The following ABCD2 variants were observed in gnomAD, a reference collection of about 807,000 sequenced individuals.
ABCD2 encodes the protein ATP binding cassette subfamily D member 2.
In ABCD2, 36 loss-of-function variants were observed where a neutral mutation model predicts 70.9. The ratio of observed to expected loss-of-function variants is 0.51; its 90% confidence interval spans 0.39 to 0.67. The LOEUF (loss-of-function observed/expected upper bound fraction) is 0.67. ABCD2 is among the 30% of genes least tolerant of loss of function. The pLI is 0.00. For missense variants in ABCD2, 729 were observed against 890.2 expected, an observed-to-expected ratio of 0.82 and a Z score of 2.30; for synonymous variants, 304 against 306.9, an observed-to-expected ratio of 0.99 and a Z score of 0.10.
intron 9 of ABCD2, among the ~76,000 whole-genome samples, chr12:39,571,167 C>T (rs61933064): frequency 0.046 from 7,063 of 152,130 alleles, 231 homozygotes; most frequent in Non-Finnish European, 0.071. Flanking sequence ...TAAGGAGGTT[C>T]CTCAAAATGT....
intron 6 of ABCD2, among the ~76,000 whole-genome samples, chr12:39,595,327 G>A (rs1013326230): frequency 2.0e-5 from 3 of 152,230 alleles, no homozygotes; most frequent in African/African-American, 7.2e-5. Context: ...ACTTGGTATA[G>A]TCTAACTCTG....
At chr12:39,611,409 A>T (rs891359576) in intron 2 of ABCD2, among the ~76,000 whole-genome samples, 9 of 152,152 alleles carry the variant, frequency 5.9e-5, no homozygotes, top group African/African-American at 1.9e-4. Flanking sequence ...TATTATTTTT[A>T]AAAAATAAAA....
chr12:39,590,709 A>G (rs1204077646), intron 6 of ABCD2, among the ~76,000 whole-genome samples: 1 of 150,838 alleles, frequency 6.6e-6, no homozygotes, highest in Non-Finnish European at 1.5e-5. Flanking sequence ...TATACTTTGC[A>G]TTATATTCCC....
At chr12:39,542,594 A>G in the ABCD2 span, among the ~76,000 whole-genome samples, 1 of 152,152 alleles carries the variant, frequency 6.6e-6, no homozygotes, top group East Asian at 1.9e-4. Context: ...GTGAAGATGG[A>G]GAGAAGAGGA....
chr12:39,549,378 C>T (rs1941057928), downstream of ABCD2, among the ~76,000 whole-genome samples: 1 of 151,908 alleles, frequency 6.6e-6, no homozygotes, highest in African/African-American at 2.4e-5. Context: ...AACTGGCATA[C>T]ATTTGTTTAA....
In ABCD2 at chr12:39,618,896, A is replaced by G; in HGVS notation, c.720T>C (p.Tyr240=). The G allele has an allele frequency of 6.2e-7, 1 of 1,614,220 alleles. No individual in the cohort carries two copies. The highest frequency in any genetic ancestry group is 8.5e-7 in the Non-Finnish European group (1 of 1,180,032). ...TGGATGTAGCAGTTTGAATGAGTGTATAGGAGGTCAGCATTACATCTAAAA... is the reference window on the plus strand; with the variant it reads ...TGGATGTAGCAGTTTGAATGAGTGTGTAGGAGGTCAGCATTACATCTAAAA... ...KPILDVMLTS[Y]TLIQTATSRG... Residue 240 remains tyrosine, a synonymous_variant, in exon 1 of 10, where the codon TAT becomes TAC. Coordinates refer to ENST00000308666, the MANE Select transcript of ABCD2 (RefSeq NM_005164.4).
the ABCD2 span, among the ~76,000 whole-genome samples, chr12:39,540,170 G>A: frequency 2.6e-5 from 4 of 152,256 alleles, no homozygotes; most frequent in African/African-American, 4.8e-5. Flanking sequence ...GTGACTCTAC[G>A]CCAATTCTCT....
chr12:39,576,334 T>A lies in ABCD2; in HGVS notation c.1878-2493A>T, dbSNP rs545023062. On this transcript the variant is annotated intron_variant, in intron 8 of 9. Transcript: ENST00000308666. ...GCCACCATGCCTGGCTAATTTTTTT[T>A]AATTTTTGTAGAGACGGGGTTTCAC... 9.2e-5 allele frequency among the ~76,000 whole-genome samples: 14 copies of A among 152,172 alleles called. No individual in the cohort carries two copies. In the South Asian group the frequency reaches 1.0e-3, roughly 11 times the overall value.
intron 2 of ABCD2, among the ~76,000 whole-genome samples, chr12:39,612,217 T>G (rs1942054786): frequency 6.6e-6 from 1 of 152,234 alleles, no homozygotes; most frequent in South Asian, 2.1e-4. Flanking sequence ...CTAGCAGTTT[T>G]ACTTCTAGTT....
At chr12:39,586,586 G>A (rs1246217433) in intron 6 of ABCD2, among the ~76,000 whole-genome samples, 1 of 151,966 alleles carries the variant, frequency 6.6e-6, no homozygotes, top group Non-Finnish European at 1.5e-5. Flanking sequence ...GTAGAGACAG[G>A]GTCTTGATAT....
chr12:39,599,543 C>A (rs192756529), intron 6 of ABCD2, among the ~76,000 whole-genome samples: 1 of 152,274 alleles, frequency 6.6e-6, no homozygotes, highest in Admixed American at 6.5e-5. Context: ...TTGCTCATGT[C>A]CAGCATTTTC....
chr12:39,603,150 T>G (rs1322570571), intron 5 of ABCD2, among the ~76,000 whole-genome samples: 1 of 152,120 alleles, frequency 6.6e-6, no homozygotes, highest in African/African-American at 2.4e-5. Flanking sequence ...AAACCTTGAC[T>G]AAAGTCCATA....
chr12:39,560,201 C>T (rs938293145), intron 9 of ABCD2, among the ~76,000 whole-genome samples: 1 of 152,126 alleles, frequency 6.6e-6, no homozygotes, highest in East Asian at 1.9e-4. Context: ...TGATGTTCCC[C>T]TTCCTGTGTC....
the ABCD2 span, among the ~76,000 whole-genome samples, chr12:39,531,175 T>G: frequency 1.3e-5 from 2 of 152,178 alleles, no homozygotes; most frequent in African/African-American, 2.4e-5. Flanking sequence ...GTAGGAGGGT[T>G]GCATTTTATA....
At position 39,551,935 on chromosome 12, in the gene ABCD2, C is replaced by T. The variant is rs1206302367; in HGVS notation, c.*1977G>A. 1 of 151,634 alleles carries T rather than the reference C, an allele frequency of 6.6e-6. No homozygotes were observed. The allele number at this position is 151,634 out of a possible 1,614,324, so 9.4% of individuals were successfully genotyped here. On this transcript the variant is annotated 3_prime_UTR_variant, in exon 10 of 10. Coordinates refer to ENST00000308666, the MANE Select transcript of ABCD2 (RefSeq NM_005164.4). Reference sequence around the variant, plus strand: ...TTCTTCTTGTACCTTTAAAAGTTAACTTAAAACACTTGCCTCAGACTTTTG... The same window carrying T: ...TTCTTCTTGTACCTTTAAAAGTTAATTTAAAACACTTGCCTCAGACTTTTG...
Position 39,552,060 on chromosome 12 carries a change from ATCTT to A in ABCD2, c.*1848_*1851del, listed in dbSNP as rs1351314586. Reference sequence around the variant, plus strand: ...TTGGTTCCATGCTTCTTAAAAAAAAATCTTTAATTCCTGCCTCACTTTTCTAACA... The same window carrying A: ...TTGGTTCCATGCTTCTTAAAAAAAAATAATTCCTGCCTCACTTTTCTAACA... On this transcript the variant is annotated 3_prime_UTR_variant, in exon 10 of 10. Coordinates refer to ENST00000308666, the MANE Select transcript of ABCD2 (RefSeq NM_005164.4). 6.6e-6 allele frequency: 1 copy of A among 151,900 alleles called. No homozygotes were observed. Among genetic ancestry groups the A allele is most frequent in the Non-Finnish European group, 1.5e-5 (1 of 67,812 alleles). 9.4% of individuals were successfully genotyped at this position (151,900 alleles called of 1,614,324 possible).
At chr12:39,569,822 A>G (rs1941421486) in intron 9 of ABCD2, among the ~76,000 whole-genome samples, 1 of 152,188 alleles carries the variant, frequency 6.6e-6, no homozygotes, top group South Asian at 2.1e-4. Flanking sequence ...TATGTACCAC[A>G]TTTATATATA....
the ABCD2 span, among the ~76,000 whole-genome samples, chr12:39,535,879 A>G: frequency 6.6e-6 from 1 of 152,194 alleles, no homozygotes; most frequent in African/African-American, 2.4e-5. Flanking sequence ...GCGGTGGCTC[A>G]TGCCTGTAAT....
intron 8 of ABCD2, among the ~76,000 whole-genome samples, chr12:39,578,811 A>C (rs976282320): frequency 6.6e-6 from 1 of 151,978 alleles, no homozygotes; most frequent in African/African-American, 2.4e-5. Flanking sequence ...CTGGTTTAAT[A>C]GGCTGCTGAA....
Sources: gnomAD v4.1 joint callset for allele counts (sites outside exome capture counted in the v4.1 genomes callset) on GRCh38, gnomAD v4.1.1 for gene constraint, MANE v1.5 for transcripts, NCBI Gene and HGNC (gene_info 2026-07-23, HGNC 2026-07-21) for gene names.